Variants in CNTNAP5 observed in about 807,000 individuals in gnomAD.
The protein encoded by CNTNAP5 is contactin-associated protein-like 5.
A neutral mutation model predicts 150.2 loss-of-function variants in CNTNAP5; 72 were observed. The ratio of observed to expected loss-of-function variants is 0.48; its 90% confidence interval spans 0.40 to 0.58. The LOEUF (loss-of-function observed/expected upper bound fraction) is 0.58, where lower values mean the gene tolerates loss of function less well. CNTNAP5 is among the 20% of genes least tolerant of loss of function. The pLI is 0.00. For synonymous variants in CNTNAP5, 672 were observed against 619.8 expected, an observed-to-expected ratio of 1.08 and a Z score of -1.25; for missense variants, 1,636 against 1,626.2, an observed-to-expected ratio of 1.01 and a Z score of -0.10.
At chr2:124,675,626 A>G (rs928735862) in intron 13 of CNTNAP5, among the ~76,000 whole-genome samples, 1 of 152,138 alleles carries the variant, frequency 6.6e-6, no homozygotes, top group Admixed American at 6.6e-5. Flanking sequence ...CTTTTGTGCA[A>G]CATATTTTAT....
At chr2:124,197,139 A>G (rs1365683691) in intron 1 of CNTNAP5, among the ~76,000 whole-genome samples, 1 of 152,244 alleles carries the variant, frequency 6.6e-6, no homozygotes, top group Non-Finnish European at 1.5e-5. Context: ...TAAGGTACGA[A>G]TAATCACAAA....
intron 3 of CNTNAP5, among the ~76,000 whole-genome samples, chr2:124,350,874 T>C (rs942228157): frequency 1.4e-4 from 21 of 152,148 alleles, no homozygotes; most frequent in Non-Finnish European, 2.5e-4. Flanking sequence ...GCCTTTTTTT[T>C]CGGCATGTTG....
chr2:124,568,435 T>C (rs749704794), intron 11 of CNTNAP5, among the ~76,000 whole-genome samples: 3 of 152,300 alleles, frequency 2.0e-5, no homozygotes, highest in Non-Finnish European at 4.4e-5. Flanking sequence ...AAAGAAAACA[T>C]GAATTGCACT....
At chr2:124,873,361 G>A in intron 21 of CNTNAP5, among the ~76,000 whole-genome samples, 1 of 152,072 alleles carries the variant, frequency 6.6e-6, no homozygotes, top group South Asian at 2.1e-4. Context: ...CAACATTAGG[G>A]ATTACAATTC....
chr2:124,491,399 G>GTA (rs1169963400), intron 7 of CNTNAP5, among the ~76,000 whole-genome samples: 3 of 151,232 alleles, frequency 2.0e-5, no homozygotes, highest in East Asian at 2.0e-4. Context: ...ATGTATGTGT[G>GTA]TATATATATA....
chr2:124,233,060 CA>C (rs1686663923), intron 2 of CNTNAP5, among the ~76,000 whole-genome samples: 1 of 146,706 alleles, frequency 6.8e-6, no homozygotes, highest in African/African-American at 2.5e-5. Flanking sequence ...TTTTTCATTA[CA>C]AAAGGATTAA....
At chr2:124,705,544 T>G (rs2105094875) in intron 13 of CNTNAP5, among the ~76,000 whole-genome samples, 1 of 151,858 alleles carries the variant, frequency 6.6e-6, no homozygotes, top group East Asian at 1.9e-4. Flanking sequence ...ATAAAAATAA[T>G]AAATAAATAA....
intron 1 of CNTNAP5, among the ~76,000 whole-genome samples, chr2:124,074,305 G>C (rs1682384773): frequency 1.3e-5 from 2 of 151,990 alleles, no homozygotes; most frequent in African/African-American, 4.8e-5. Context: ...GTGGTCAATA[G>C]TAATTTGATT....
chr2:124,206,137 T>C (rs1685857595), intron 1 of CNTNAP5, among the ~76,000 whole-genome samples: 1 of 152,186 alleles, frequency 6.6e-6, no homozygotes, highest in Non-Finnish European at 1.5e-5. Flanking sequence ...TTCTGCTGGA[T>C]AGTAACTAAG....
intron 17 of CNTNAP5, among the ~76,000 whole-genome samples, chr2:124,786,507 A>AAAAGAAAGAAAGAAAGAAAGAAAGAAAG (rs150483975): frequency 4.7e-4 from 62 of 132,146 alleles, no homozygotes; most frequent in African/African-American, 1.9e-3. Context: ...GAGGGAAAGA[A>AAAAGAAAGAAAGAAAGAAAGAAAGAAAG]AAAGAAAGAA....
intron 1 of CNTNAP5, among the ~76,000 whole-genome samples, chr2:124,092,930 T>G (rs934517957): frequency 6.6e-6 from 1 of 152,226 alleles, no homozygotes; most frequent in Admixed American, 6.5e-5. Context: ...GCAGTAAGTA[T>G]TGAACTTTGC....
intron 14 of CNTNAP5, among the ~76,000 whole-genome samples, chr2:124,751,989 G>C (rs1161756480): frequency 6.6e-6 from 1 of 152,140 alleles, no homozygotes; most frequent in South Asian, 2.1e-4. Flanking sequence ...GCTTGACTAA[G>C]GGGCAGAGTA....
At chr2:124,146,604 T>C (rs1178790044) in intron 1 of CNTNAP5, among the ~76,000 whole-genome samples, 2 of 152,172 alleles carry the variant, frequency 1.3e-5, no homozygotes, top group Admixed American at 1.3e-4. Flanking sequence ...CTTATGAAGC[T>C]GTTAAAATTT....
At position 124,199,421 on chromosome 2, in the gene CNTNAP5, T is replaced by TC. The variant is rs557169637; in HGVS notation, c.83-22284_83-22283insC. Among the ~76,000 whole-genome samples, 376 of 146,802 alleles carry TC rather than the reference T, an allele frequency of 2.6e-3. 1 individual carries two copies. Among genetic ancestry groups the TC allele is most frequent in the Non-Finnish European group, 3.4e-3 (224 of 66,600 alleles). On this transcript the variant is annotated intron_variant, in intron 1 of 23. Coordinates refer to ENST00000682447, the MANE Select transcript of CNTNAP5 (RefSeq NM_001367498.1). ...ACATTTATTCCAAGGTTCTTTTTTTTTTTTTTTTTTTGAGACGGAGTTTCA... is the reference window on the plus strand; with the variant it reads ...ACATTTATTCCAAGGTTCTTTTTTTTCTTTTTTTTTTTGAGACGGAGTTTCA...
intron 2 of CNTNAP5, among the ~76,000 whole-genome samples, chr2:124,223,765 T>C (rs1393254922): frequency 2.6e-5 from 4 of 151,490 alleles, no homozygotes; most frequent in Admixed American, 6.6e-5. Context: ...ACCGGGGAAT[T>C]TGAGTGCCTG....
intron 13 of CNTNAP5, among the ~76,000 whole-genome samples, chr2:124,710,679 C>G (rs766638161): frequency 2.6e-5 from 4 of 152,164 alleles, no homozygotes; most frequent in Non-Finnish European, 5.9e-5. Context: ...TGATCCCAGG[C>G]TGACTCCTTA....
chr2:124,202,190 G>T (rs1460987478), intron 1 of CNTNAP5, among the ~76,000 whole-genome samples: 1 of 152,116 alleles, frequency 6.6e-6, no homozygotes, highest in African/African-American at 2.4e-5. Context: ...CAAGGTGAAA[G>T]AATGTACTCT....
intron 19 of CNTNAP5, among the ~76,000 whole-genome samples, chr2:124,859,597 G>A (rs1010264694): frequency 2.0e-5 from 3 of 152,166 alleles, no homozygotes; most frequent in African/African-American, 4.8e-5. Context: ...CTGCTATAAA[G>A]ACACATGAAC....
At chr2:124,705,345 T>C (rs957422229) in intron 13 of CNTNAP5, among the ~76,000 whole-genome samples, 1 of 152,060 alleles carries the variant, frequency 6.6e-6, no homozygotes, top group Non-Finnish European at 1.5e-5. Flanking sequence ...CTGGCCAACC[T>C]GATGAGACCT....
Sources: gnomAD v4.1 joint callset for allele counts (sites outside exome capture counted in the v4.1 genomes callset) on GRCh38, gnomAD v4.1.1 for gene constraint, MANE v1.5 for transcripts, NCBI Gene and HGNC (gene_info 2026-07-23, HGNC 2026-07-21) for gene names.